ARMC9: variants seen among roughly 807,000 people sequenced by gnomAD.
The protein encoded by ARMC9 is lisH domain-containing protein ARMC9.
ARMC9 carries 94 observed loss-of-function variants against 107.0 expected under a neutral mutation model. The observed-to-expected ratio is 0.88, with a 90% CI of 0.74 to 1.04. The LOEUF is 1.04. Ranked by LOEUF, ARMC9 falls within the 50% of genes least tolerant of loss-of-function variation. The pLI, the probability that ARMC9 is intolerant of heterozygous loss-of-function variation, is 0.00. For synonymous variants in ARMC9, 380 were observed against 396.9 expected, an observed-to-expected ratio of 0.96 and a Z score of 0.51; for missense variants, 942 against 1,030.1, an observed-to-expected ratio of 0.91 and a Z score of 1.17.
chr2:231,330,789 T>C (rs1206116332), intron 19 of ARMC9, among the ~76,000 whole-genome samples: 1 of 151,716 alleles, frequency 6.6e-6, no homozygotes, highest in Admixed American at 6.6e-5. Context: ...TCAGGTCCTT[T>C]GGCTAAAGGA....
intron 8 of ARMC9, among the ~76,000 whole-genome samples, chr2:231,236,421 C>CTA (rs760245215): frequency 6.6e-6 from 1 of 152,060 alleles, no homozygotes; most frequent in African/African-American, 2.4e-5. Context: ...ATTCCTGACT[C>CTA]TATAAAGTAC....
intron 17 of ARMC9, among the ~76,000 whole-genome samples, chr2:231,286,766 A>C (rs2040619404): frequency 6.6e-6 from 1 of 152,256 alleles, no homozygotes; most frequent in Non-Finnish European, 1.5e-5. Flanking sequence ...CTAAGAATGT[A>C]TGTGCTCATG....
chr2:231,209,708 G>T (rs1172777101), intron 3 of ARMC9, among the ~76,000 whole-genome samples: 3 of 152,072 alleles, frequency 2.0e-5, no homozygotes, highest in African/African-American at 7.2e-5. Flanking sequence ...GCTGGTTTTA[G>T]TATTTTTATT....
At chr2:231,248,416 T>C (rs1383680262) in intron 9 of ARMC9, among the ~76,000 whole-genome samples, 2 of 152,180 alleles carry the variant, frequency 1.3e-5, no homozygotes, top group Non-Finnish European at 2.9e-5. Context: ...TCAGGTGTCT[T>C]ACAGGCATCC....
chr2:231,202,524 G>A (rs190027111), intron 1 of ARMC9, among the ~76,000 whole-genome samples: 3 of 151,816 alleles, frequency 2.0e-5, no homozygotes, highest in South Asian at 2.1e-4. Context: ...GTTTCACCAC[G>A]TTGCCCAGGC....
In ARMC9 at chr2:231,358,087, C is replaced by T. The variant is rs2125592026; in HGVS notation, c.2131+2153C>T. On this transcript the variant is annotated intron_variant, in intron 22 of 24. Coordinates refer to ENST00000611582, the MANE Select transcript of ARMC9 (RefSeq NM_001352754.2). This position sits in a 1 kb window ranked among gnomAD's most constrained non-coding sequence, Gnocchi z 4.5. ...TCCCTGTCCTGTCACCTGCCTCTGC[C>T]TAAGGGATGGATGGCAAACAGCCCT... 6.6e-6 allele frequency among the ~76,000 whole-genome samples: 1 copy of T among 152,312 alleles called. No individual in the cohort carries two copies. Among genetic ancestry groups the T allele is most frequent in the South Asian group, 2.1e-4 (1 of 4,830 alleles).
intron 5 of ARMC9, among the ~76,000 whole-genome samples, chr2:231,220,031 G>A (rs993249919): frequency 2.0e-5 from 3 of 152,048 alleles, no homozygotes; most frequent in Non-Finnish European, 2.9e-5. Context: ...TGCTAAGAAC[G>A]TGCAAATCAT....
chr2:231,330,232 T>TTTC (rs1264274451), intron 19 of ARMC9, among the ~76,000 whole-genome samples: 1 of 137,774 alleles, frequency 7.3e-6, no homozygotes, highest in Non-Finnish European at 1.5e-5. Flanking sequence ...TTTCTTTCTT[T>TTTC]TTTTTTTTTT....
chr2:231,254,673 A>G (rs2037602028), intron 9 of ARMC9, among the ~76,000 whole-genome samples: 1 of 152,030 alleles, frequency 6.6e-6, no homozygotes, highest in Non-Finnish European at 1.5e-5. Flanking sequence ...AAAAATTGAA[A>G]AAAATTGAAA....
At chr2:231,286,114 T>A (rs1321316531) in intron 17 of ARMC9, among the ~76,000 whole-genome samples, 1 of 151,986 alleles carries the variant, frequency 6.6e-6, no homozygotes, top group Non-Finnish European at 1.5e-5. Context: ...GGTATTTGGT[T>A]TTTATTTGTT....
At chr2:231,294,171 G>C (rs1202654432) in intron 18 of ARMC9, 1 of 152,218 alleles carries the variant, frequency 6.6e-6, no homozygotes, top group East Asian at 1.9e-4. Flanking sequence ...GTATATTTTA[G>C]CGACCTAACC....
chr2:231,252,741 A>G (rs958280221), intron 9 of ARMC9, among the ~76,000 whole-genome samples: 7 of 151,894 alleles, frequency 4.6e-5, no homozygotes, highest in South Asian at 4.2e-4. Flanking sequence ...GGCTCAAGCA[A>G]TCCTCCCACC....
chr2:231,203,648 A>G (rs767120275), intron 1 of ARMC9, among the ~76,000 whole-genome samples: 14 of 152,010 alleles, frequency 9.2e-5, no homozygotes, highest in Admixed American at 5.9e-4. Flanking sequence ...AGCCTGAGCA[A>G]TGGTGAAATC....
intron 14 of ARMC9, among the ~76,000 whole-genome samples, chr2:231,274,369 G>A (rs1025112612): frequency 2.6e-5 from 4 of 152,068 alleles, no homozygotes; most frequent in Admixed American, 2.6e-4. Flanking sequence ...ACCCGCCTCG[G>A]CCTCCCAAAG....
intron 19 of ARMC9, among the ~76,000 whole-genome samples, chr2:231,306,753 GA>G (rs367829775): frequency 0.014 from 1,957 of 142,446 alleles, 43 homozygotes; most frequent in African/African-American, 0.047. Context: ...AGGCAAGGAG[GA>G]AAAAAAAAAA....
chr2:231,208,637 G>T (rs780837931), intron 3 of ARMC9, among the ~76,000 whole-genome samples: 1 of 152,206 alleles, frequency 6.6e-6, no homozygotes, highest in Non-Finnish European at 1.5e-5. Flanking sequence ...AGCTTGGGGA[G>T]GTTGGAGGGA....
intron 1 of ARMC9, among the ~76,000 whole-genome samples, chr2:231,199,646 A>G (rs576212360): frequency 6.6e-6 from 1 of 152,356 alleles, no homozygotes; most frequent in South Asian, 2.1e-4. Flanking sequence ...TACCTTCAAT[A>G]AATGATACCT....
At chr2:231,324,569 T>A (rs977999283) in intron 19 of ARMC9, among the ~76,000 whole-genome samples, 1 of 149,416 alleles carries the variant, frequency 6.7e-6, no homozygotes, top group African/African-American at 2.5e-5. Context: ...CTGACCAACA[T>A]GAAGAAACCC....
At chr2:231,238,316 A>G (rs989879004) in intron 8 of ARMC9, among the ~76,000 whole-genome samples, 57 of 152,278 alleles carry the variant, frequency 3.7e-4, no homozygotes, top group African/African-American at 1.3e-3. Flanking sequence ...AAGTATAGAA[A>G]GAAAGGTTAA....
Sources: gnomAD v4.1 joint callset for allele counts (sites outside exome capture counted in the v4.1 genomes callset) on GRCh38, gnomAD v4.1.1 for gene constraint, Gnocchi (gnomAD v3.1) non-coding constraint, MANE v1.5 for transcripts, NCBI Gene and HGNC (gene_info 2026-07-23, HGNC 2026-07-21) for gene names.